Variants in SYNDIG1 observed in about 807,000 individuals in gnomAD.
SYNDIG1 encodes synapse differentiation-inducing gene protein 1.
In SYNDIG1, 9 loss-of-function variants were observed where a neutral mutation model predicts 19.4. The ratio of observed to expected loss-of-function variants is 0.46; its 90% CI spans 0.28 to 0.81. SYNDIG1 has a LOEUF of 0.81. Ranked by LOEUF, SYNDIG1 falls within the 30% of genes least tolerant of loss-of-function variation. The pLI is 0.12. For synonymous variants in SYNDIG1, 141 were observed against 145.9 expected, an observed-to-expected ratio of 0.97 and a Z score of 0.24; for missense variants, 311 against 343.3, an observed-to-expected ratio of 0.91 and a Z score of 0.74.
intron 3 of SYNDIG1, among the ~76,000 whole-genome samples, chr20:24,596,235 G>C (rs971443459): frequency 1.3e-5 from 2 of 152,098 alleles, no homozygotes; most frequent in Non-Finnish European, 1.5e-5. Flanking sequence ...TTCAGGAGCA[G>C]GTTGTTTAAT....
intron 1 of SYNDIG1, among the ~76,000 whole-genome samples, chr20:24,541,358 T>A (rs1264076926): frequency 6.6e-6 from 1 of 152,246 alleles, no homozygotes; most frequent in African/African-American, 2.4e-5. Flanking sequence ...CCCACTCACC[T>A]GATATTCACC....
intron 3 of SYNDIG1, among the ~76,000 whole-genome samples, chr20:24,626,967 T>C (rs1016488221): frequency 1.8e-4 from 28 of 152,068 alleles, no homozygotes; most frequent in African/African-American, 6.5e-4. Context: ...TCGCAGGCAC[T>C]CGGCAGGCTG....
intron 2 of SYNDIG1, among the ~76,000 whole-genome samples, chr20:24,567,099 G>C (rs1014510212): frequency 6.6e-6 from 1 of 152,138 alleles, no homozygotes; most frequent in African/African-American, 2.4e-5. Context: ...CAGGGTCCTT[G>C]TCTGTCTCAC....
intron 3 of SYNDIG1, among the ~76,000 whole-genome samples, chr20:24,591,659 G>T (rs2058513846): frequency 6.6e-6 from 1 of 152,058 alleles, no homozygotes; most frequent in Non-Finnish European, 1.5e-5. Context: ...GACAGTTAGG[G>T]GAGCAATAAA....
chr20:24,612,205 C>T (rs191336066), intron 3 of SYNDIG1, among the ~76,000 whole-genome samples: 92 of 152,312 alleles, frequency 6.0e-4, no homozygotes, highest in East Asian at 9.6e-4. Flanking sequence ...GGAGCACGGA[C>T]GCCTCCCAAG....
chr20:24,616,989 G>C (rs967482317), intron 3 of SYNDIG1, among the ~76,000 whole-genome samples: 2 of 152,110 alleles, frequency 1.3e-5, no homozygotes, highest in African/African-American at 4.8e-5. Flanking sequence ...AGGTGGCTTC[G>C]GTGGCTTCTG....
At chr20:24,480,254 G>A (rs1400005987) in intron 1 of SYNDIG1, among the ~76,000 whole-genome samples, 4 of 152,178 alleles carry the variant, frequency 2.6e-5, no homozygotes, top group Admixed American at 2.6e-4. Context: ...GTCAAGAAAT[G>A]TGTAAGACCT....
chr20:24,653,846 C>T (rs2147376429), intron 3 of SYNDIG1, among the ~76,000 whole-genome samples: 1 of 152,312 alleles, frequency 6.6e-6, no homozygotes, highest in African/African-American at 2.4e-5. Context: ...CGGGGTCATC[C>T]CTCGGTGTGG....
intron 1 of SYNDIG1, among the ~76,000 whole-genome samples, chr20:24,507,476 G>A (rs2056621352): frequency 6.6e-6 from 1 of 152,234 alleles, no homozygotes; most frequent in East Asian, 1.9e-4. Flanking sequence ...CTCAGCACAA[G>A]GCCCCTCCTT....
chr20:24,612,131 T>C (rs1358352762), intron 3 of SYNDIG1, among the ~76,000 whole-genome samples: 1 of 152,250 alleles, frequency 6.6e-6, no homozygotes, highest in Non-Finnish European at 1.5e-5. Flanking sequence ...GCCACCATTG[T>C]GTGCTGTTCA....
chr20:24,631,809 G>A (rs1168842470), intron 3 of SYNDIG1, among the ~76,000 whole-genome samples: 2 of 152,130 alleles, frequency 1.3e-5, no homozygotes, highest in Non-Finnish European at 2.9e-5. Flanking sequence ...ATTCTGTGAA[G>A]CTAGCTTTAT....
intron 3 of SYNDIG1, among the ~76,000 whole-genome samples, chr20:24,607,944 C>T (rs182461903): frequency 1.3e-3 from 205 of 152,256 alleles, no homozygotes; most frequent in Non-Finnish European, 2.4e-3. Flanking sequence ...CAGGTTTATA[C>T]AGAAATCTAT....
chr20:24,627,004 G>A (rs948435199), intron 3 of SYNDIG1, among the ~76,000 whole-genome samples: 4 of 152,144 alleles, frequency 2.6e-5, no homozygotes, highest in Non-Finnish European at 4.4e-5. Flanking sequence ...CAGGGAGGTT[G>A]CAGTGAGCCG....
At chr20:24,540,471 G>A (rs1451635048) in intron 1 of SYNDIG1, among the ~76,000 whole-genome samples, 1 of 152,090 alleles carries the variant, frequency 6.6e-6, no homozygotes, top group Non-Finnish European at 1.5e-5. Context: ...TGTTACAGGT[G>A]CTTTCACCAT....
intron 3 of SYNDIG1, among the ~76,000 whole-genome samples, chr20:24,624,800 C>CA (rs1341264535): frequency 1.3e-5 from 2 of 151,776 alleles, no homozygotes; most frequent in Non-Finnish European, 2.9e-5. Flanking sequence ...TTCTGGGTCA[C>CA]AAAAAAATCC....
intron 2 of SYNDIG1, among the ~76,000 whole-genome samples, chr20:24,578,924 G>A (rs2058276603): frequency 6.6e-6 from 1 of 152,240 alleles, no homozygotes; most frequent in Non-Finnish European, 1.5e-5. Context: ...GTTCCCAGGA[G>A]GTATTCTCCT....
At chr20:24,487,734 A>C (rs368685521) in intron 1 of SYNDIG1, among the ~76,000 whole-genome samples, 2 of 152,300 alleles carry the variant, frequency 1.3e-5, no homozygotes, top group African/African-American at 4.8e-5. Context: ...CAGGGGCTGC[A>C]ACACTTCCTC....
intron 1 of SYNDIG1, among the ~76,000 whole-genome samples, chr20:24,481,491 A>G (rs531099103): frequency 2.0e-5 from 3 of 152,206 alleles, no homozygotes; most frequent in African/African-American, 2.4e-5. Flanking sequence ...GTGAGTGTGA[A>G]CATGGTCAAG....
At chr20:24,578,996 C>T (rs1451169122) in intron 2 of SYNDIG1, among the ~76,000 whole-genome samples, 1 of 152,198 alleles carries the variant, frequency 6.6e-6, no homozygotes, top group Admixed American at 6.5e-5. Context: ...CCGAGCCACC[C>T]GTCAGTCAGT....
Sources: gnomAD v4.1 joint callset for allele counts (sites outside exome capture counted in the v4.1 genomes callset) on GRCh38, gnomAD v4.1.1 for gene constraint, MANE v1.5 for transcripts, NCBI Gene and HGNC (gene_info 2026-07-23, HGNC 2026-07-21) for gene names.